IL16: variants seen among roughly 807,000 people sequenced by gnomAD.
IL16 encodes interleukin 16.
IL16 carries 67 observed loss-of-function variants against 110.1 expected under a neutral mutation model. The ratio of observed to expected loss-of-function variants is 0.61; its 90% CI spans 0.50 to 0.75. The LOEUF (loss-of-function observed/expected upper bound fraction) is 0.75, where lower values mean the gene tolerates loss of function less well. Ranked by LOEUF, IL16 falls within the 30% of genes least tolerant of loss-of-function variation. The pLI is 0.00. For synonymous variants in IL16, 689 were observed against 662.9 expected, an observed-to-expected ratio of 1.04 and a Z score of -0.61; for missense variants, 1,545 against 1,655.0, an observed-to-expected ratio of 0.93 and a Z score of 1.15.
chr15:81,277,123 CAGA>C (rs902913475), intron 6 of IL16, among the ~76,000 whole-genome samples: 4 of 151,468 alleles, frequency 2.6e-5, no homozygotes, highest in Non-Finnish European at 5.9e-5. Flanking sequence ...ATGGCTTAAA[CAGA>C]AGATTAGATG....
chr15:81,232,217 C>A (rs763820317), intron 2 of IL16, among the ~76,000 whole-genome samples: 9 of 151,934 alleles, frequency 5.9e-5, no homozygotes, highest in Non-Finnish European at 1.2e-4. Flanking sequence ...TATATTTCTG[C>A]AAAGTTTGAT....
chr15:81,243,106 A>G (rs1897391563), intron 2 of IL16, among the ~76,000 whole-genome samples: 1 of 134,002 alleles, frequency 7.5e-6, no homozygotes, highest in East Asian at 2.2e-4. Context: ...TGATGAATTC[A>G]ATTTGCTAAC....
intron 11 of IL16, among the ~76,000 whole-genome samples, chr15:81,291,653 A>T (rs1899722597): frequency 6.6e-6 from 1 of 152,024 alleles, no homozygotes; most frequent in African/African-American, 2.4e-5. Context: ...ACCACTAGAG[A>T]GAAGGGCCTC....
At chr15:81,195,652 T>C (rs957301615), upstream of IL16, among the ~76,000 whole-genome samples, 1 of 152,102 alleles carries the variant, frequency 6.6e-6, no homozygotes, top group African/African-American at 2.4e-5. Context: ...AAGGGCTTCC[T>C]ACAGGTTGCA....
intron 1 of IL16, 21 bp from the exon 2 acceptor site, chr15:81,225,278 C>T (rs1329526095): frequency 8.1e-6 from 12 of 1,489,790 alleles, no homozygotes; most frequent in African/African-American, 2.8e-5. Context: ...ATTGCTTCTT[C>T]CCATTTCCTC....
At chr15:81,275,517 T>C (rs1482777778) in intron 6 of IL16, among the ~76,000 whole-genome samples, 1 of 151,878 alleles carries the variant, frequency 6.6e-6, no homozygotes. Context: ...ATGTGTTTTA[T>C]TATCTTTTGT....
At chr15:81,257,798 T>C (rs1017538769) in intron 2 of IL16, among the ~76,000 whole-genome samples, 4 of 152,190 alleles carry the variant, frequency 2.6e-5, no homozygotes, top group Admixed American at 6.5e-5. Flanking sequence ...AGAGTTATAA[T>C]AGAGTGTCAG....
chr15:81,254,522 G>A (rs139241084), intron 2 of IL16, among the ~76,000 whole-genome samples: 16 of 152,242 alleles, frequency 1.1e-4, no homozygotes, highest in Non-Finnish European at 2.2e-4. Context: ...CCCATTTCTC[G>A]CTCAGTTGCC....
intron 2 of IL16, among the ~76,000 whole-genome samples, chr15:81,251,129 T>C (rs536653286): frequency 1.2e-4 from 19 of 152,308 alleles, no homozygotes; most frequent in African/African-American, 4.3e-4. Context: ...TGCTATTTTG[T>C]TGATACATTT....
chr15:81,285,382 C>A (rs947451846), intron 9 of IL16, among the ~76,000 whole-genome samples: 3 of 152,080 alleles, frequency 2.0e-5, no homozygotes, highest in Non-Finnish European at 4.4e-5. Context: ...ATTGGCTAAC[C>A]CACACCCTCA....
intron 2 of IL16, among the ~76,000 whole-genome samples, chr15:81,235,284 A>G (rs746704081): frequency 1.3e-5 from 2 of 152,204 alleles, no homozygotes; most frequent in Admixed American, 6.5e-5. Context: ...TCTGCAAGCT[A>G]TACAAGCATG....
intron 2 of IL16, among the ~76,000 whole-genome samples, chr15:81,244,615 T>A (rs528961189): frequency 6.6e-6 from 1 of 152,284 alleles, no homozygotes; most frequent in South Asian, 2.1e-4. Context: ...TTTAAGATAA[T>A]TTTATGTGTC....
At position 81,312,049 on chromosome 15, in the gene IL16, T is replaced by C. The variant is rs1015526796; in HGVS notation, c.*3251T>C. 2 of 152,218 alleles carry C rather than the reference T, an allele frequency of 1.3e-5. No individual in the cohort carries two copies. The highest frequency in any genetic ancestry group is 4.8e-5 in the African/African-American group (2 of 41,456). The allele number at this position is 152,218 out of a possible 1,614,324, so 9.4% of individuals were successfully genotyped here. ...GGCTGAGAACACTGTGAAAACATTTTGCGCGCACAATAGTAACCTGGGTAA... is the reference window on the plus strand; with the variant it reads ...GGCTGAGAACACTGTGAAAACATTTCGCGCGCACAATAGTAACCTGGGTAA... On this transcript the variant is annotated 3_prime_UTR_variant, in exon 19 of 19. Coordinates refer to ENST00000683961, the MANE Select transcript of IL16 (RefSeq NM_172217.5).
At chr15:81,282,920 TG>T (rs1402750196) in intron 9 of IL16, among the ~76,000 whole-genome samples, 164 bp downstream of exon 9, 1 of 152,182 alleles carries the variant, frequency 6.6e-6, no homozygotes, top group Non-Finnish European at 1.5e-5. Context: ...GGGCACTGGC[TG>T]GGGAGGGGCA....
At position 81,225,501 on chromosome 15, in the gene IL16, C is replaced by T. The variant is rs1322521254; in HGVS notation, c.102C>T (p.Gly34=). The change falls in exon 2 of 19, where the codon GGC becomes GGT. Residue 34 remains glycine (G), a synonymous_variant. Coordinates refer to ENST00000683961, the MANE Select transcript of IL16 (RefSeq NM_172217.5). Reference sequence around the variant, plus strand: ...GTAATGCTAAGACCAGTGATGATGGCTCTAGCCCTGATGAGAAATATCCTG... The same window carrying T: ...GTAATGCTAAGACCAGTGATGATGGTTCTAGCCCTGATGAGAAATATCCTG... ...MLCNAKTSDD[G]SSPDEKYPDP... 1 of 1,614,098 alleles carries T rather than the reference C, an allele frequency of 6.2e-7. No homozygotes were observed. Among genetic ancestry groups the T allele is most frequent in the Admixed American group, 1.7e-5 (1 of 60,018 alleles).
chr15:81,184,660 A>G (rs1344001046), intron 1 of IL16, among the ~76,000 whole-genome samples: 1 of 152,200 alleles, frequency 6.6e-6, no homozygotes, highest in East Asian at 1.9e-4. Flanking sequence ...TGCCCCATCA[A>G]CTACTCAATA....
At chr15:81,256,188 T>C (rs1449708882) in intron 2 of IL16, among the ~76,000 whole-genome samples, 1 of 152,208 alleles carries the variant, frequency 6.6e-6, no homozygotes. Flanking sequence ...TGAGTGTTAC[T>C]GTTTTGGTAT....
chr15:81,209,931 T>C (rs1018902243), intron 1 of IL16, among the ~76,000 whole-genome samples: 3 of 152,236 alleles, frequency 2.0e-5, no homozygotes, highest in African/African-American at 7.2e-5. Context: ...TGGCCAAAAA[T>C]TCTTTGCCAA....
In IL16 at chr15:81,260,971, C is replaced by G. The variant is rs570919205; in HGVS notation, c.421+1091C>G. Among the ~76,000 whole-genome samples the G allele has an allele frequency of 2.0e-5, 3 of 152,310 alleles. No homozygotes were observed. The South Asian group carries it at 6.2e-4, about 32-fold the overall frequency. On this transcript the variant is annotated intron_variant, in intron 3 of 18. Transcript: ENST00000683961. ...TATCTGTATTGCCAAATTTCAGTAGCTAATATTCTTTCAATAATATATATG... is the reference window on the plus strand; with the variant it reads ...TATCTGTATTGCCAAATTTCAGTAGGTAATATTCTTTCAATAATATATATG...
Sources: gnomAD v4.1 joint callset for allele counts (sites outside exome capture counted in the v4.1 genomes callset) on GRCh38, gnomAD v4.1.1 for gene constraint, MANE v1.5 for transcripts, NCBI Gene and HGNC (gene_info 2026-07-23, HGNC 2026-07-21) for gene names.